The following ASIC2 variants were observed in gnomAD, a reference collection of about 807,000 sequenced individuals.
ASIC2 encodes acid-sensing ion channel 2.
In ASIC2, 25 loss-of-function variants were observed where a neutral mutation model predicts 57.3. The observed-to-expected ratio is 0.44, with a 90% CI of 0.32 to 0.61. ASIC2 has a LOEUF of 0.61. Among genes scored for constraint, ASIC2 ranks in the 20% least tolerant of loss-of-function variants. ASIC2 has a pLI of 0.06. For synonymous variants in ASIC2, 319 were observed against 307.5 expected, an observed-to-expected ratio of 1.04 and a Z score of -0.39; for missense variants, 641 against 738.1, an observed-to-expected ratio of 0.87 and a Z score of 1.52.
In ASIC2 at chr17:34,156,003, T is replaced by C. The variant is rs1490340037; in HGVS notation, c.530A>G (p.Glu177Gly). The change falls in exon 1 of 10, where the codon GAG becomes GGG. Residue 177 changes from glutamate to glycine, a missense_variant. Physicochemically the swap from Glu to Gly is moderately conservative, Grantham distance 98. Coordinates refer to the ASIC2 transcript ENST00000359872. The surrounding 1 kb of genome is among the most constrained non-coding windows in gnomAD (Gnocchi z 4.4). ...TGTGGTGAAGTCTTGGTGGCCGCAC[T>C]CCTGCCCTTTGAACTTGCAGTAGAG... 5 of 1,612,174 alleles carry C rather than the reference T, an allele frequency of 3.1e-6. No homozygotes were observed. The African/African-American group carries it at 4.0e-5, about 13-fold the overall frequency.
rs981758075 is a variant in ASIC2, at chr17:33,228,604, G to A, written c.708+62804C>T. Among the ~76,000 whole-genome samples the A allele has an allele frequency of 3.3e-5, 5 of 152,384 alleles. No individual in the cohort carries two copies. In the South Asian group the frequency reaches 8.3e-4, roughly 25 times the overall value. On this transcript the variant is annotated intron_variant, in intron 1 of 9. Coordinates refer to ENST00000225823, the MANE Select transcript of ASIC2 (RefSeq NM_183377.2). ...ACCATCCCAACAAGAAGTCAAGTCAGTCTGAAAACTTCTAGCATGTGAGAG... is the reference window on the plus strand; with the variant it reads ...ACCATCCCAACAAGAAGTCAAGTCAATCTGAAAACTTCTAGCATGTGAGAG...
At chr17:33,821,366 C>T (rs1416808800) in intron 1 of ASIC2, among the ~76,000 whole-genome samples, 2 of 152,176 alleles carry the variant, frequency 1.3e-5, no homozygotes, top group Non-Finnish European at 2.9e-5. Context: ...CTCGTCCAAA[C>T]ACTTCCAGAT....
intron 1 of ASIC2, among the ~76,000 whole-genome samples, chr17:33,209,616 G>A (rs962067137): frequency 8.5e-5 from 13 of 152,344 alleles, no homozygotes; most frequent in African/African-American, 2.9e-4. Context: ...AACTGCCACC[G>A]CTTAAGAACC....
intron 1 of ASIC2, among the ~76,000 whole-genome samples, chr17:33,289,649 C>T (rs891914717): frequency 3.3e-5 from 5 of 152,202 alleles, no homozygotes; most frequent in Non-Finnish European, 5.9e-5. Flanking sequence ...GAGCATTGGA[C>T]AGCTTTTTAG....
chr17:33,588,447 A>G (rs767013001), intron 1 of ASIC2, among the ~76,000 whole-genome samples: 1 of 152,048 alleles, frequency 6.6e-6, no homozygotes, highest in Non-Finnish European at 1.5e-5. Context: ...TTGGCCACAC[A>G]CTTTGTACAG....
chr17:33,788,254 C>G (rs1361289404), intron 1 of ASIC2, among the ~76,000 whole-genome samples: 1 of 151,890 alleles, frequency 6.6e-6, no homozygotes, highest in Non-Finnish European at 1.5e-5. Context: ...AGAATATGAA[C>G]AGACACTTCT....
chr17:33,161,981 C>A (rs1338765851), intron 1 of ASIC2, among the ~76,000 whole-genome samples: 1 of 147,078 alleles, frequency 6.8e-6, no homozygotes, highest in Admixed American at 7.0e-5. Context: ...TAGCCGTTCT[C>A]ATAACCAAGA....
intron 1 of ASIC2, among the ~76,000 whole-genome samples, chr17:33,629,848 A>C (rs541732465): frequency 7.9e-5 from 12 of 152,302 alleles, no homozygotes; most frequent in African/African-American, 2.9e-4. Flanking sequence ...GTAAGGCTGA[A>C]GAGCTAAGGA....
intron 1 of ASIC2, among the ~76,000 whole-genome samples, chr17:33,150,723 G>C (rs187540407): frequency 9.6e-6 from 1 of 104,462 alleles, no homozygotes; most frequent in African/African-American, 4.2e-5. Flanking sequence ...AGTGGCGGGC[G>C]CCTGTAGTCC....
intron 1 of ASIC2, chr17:34,069,576 C>A (rs1206813808): frequency 6.6e-6 from 1 of 152,150 alleles, no homozygotes; most frequent in Non-Finnish European, 1.5e-5. Flanking sequence ...TGAGCTTGCC[C>A]TTTCTTGAGT....
At chr17:33,410,373 GAGA>G (rs1186495108) in intron 1 of ASIC2, among the ~76,000 whole-genome samples, 3 of 152,208 alleles carry the variant, frequency 2.0e-5, no homozygotes, top group Admixed American at 6.5e-5. Context: ...ACGTACATGA[GAGA>G]AGAACATATC....
intron 1 of ASIC2, among the ~76,000 whole-genome samples, chr17:33,270,473 T>G (rs958744002): frequency 1.3e-5 from 2 of 152,200 alleles, no homozygotes; most frequent in African/African-American, 2.4e-5. Context: ...ATACACCCTG[T>G]TTAAAATTCT....
intron 1 of ASIC2, among the ~76,000 whole-genome samples, chr17:33,202,220 G>A (rs17248665): frequency 0.064 from 9,698 of 152,130 alleles, 435 homozygotes; most frequent in South Asian, 0.17. Context: ...ATGCGGATGG[G>A]CTCCACAGCG....
intron 1 of ASIC2, among the ~76,000 whole-genome samples, chr17:33,135,655 T>A (rs1161886738): frequency 6.6e-6 from 1 of 152,100 alleles, no homozygotes; most frequent in Non-Finnish European, 1.5e-5. Flanking sequence ...CTTCCTCATG[T>A]CACCATGTTG....
chr17:33,177,090 A>G (rs1003855887), intron 1 of ASIC2, among the ~76,000 whole-genome samples: 4 of 152,170 alleles, frequency 2.6e-5, no homozygotes, highest in African/African-American at 9.7e-5. Context: ...TTTCCCTGCA[A>G]TTCCTCTAGA....
At chr17:33,252,728 G>GCCACTCA (rs1908928168) in intron 1 of ASIC2, among the ~76,000 whole-genome samples, 1 of 151,964 alleles carries the variant, frequency 6.6e-6, no homozygotes, top group Admixed American at 6.6e-5. Flanking sequence ...CTGGAGTTCT[G>GCCACTCA]CCACTCACCC....
At chr17:33,161,586 C>T (rs2142039578) in intron 1 of ASIC2, among the ~76,000 whole-genome samples, 1 of 152,316 alleles carries the variant, frequency 6.6e-6, no homozygotes, top group East Asian at 1.9e-4. Context: ...TTATTTTCTG[C>T]TTCCCACCAA....
intron 1 of ASIC2, among the ~76,000 whole-genome samples, chr17:33,160,472 C>T (rs925662467): frequency 6.6e-6 from 1 of 152,132 alleles, no homozygotes; most frequent in Non-Finnish European, 1.5e-5. Context: ...TACGTTCTGC[C>T]TTGACAGTCT....
chr17:33,312,577 G>T (rs770390841), intron 1 of ASIC2, among the ~76,000 whole-genome samples: 4 of 152,190 alleles, frequency 2.6e-5, no homozygotes, highest in Non-Finnish European at 5.9e-5. Context: ...GGGATGAGCG[G>T]CAAGGGCTGC....
Sources: allele counts gnomAD v4.1 joint callset (sites outside exome capture counted in the v4.1 genomes callset), GRCh38; gene constraint gnomAD v4.1.1; non-coding constraint Gnocchi (gnomAD v3.1); transcripts MANE v1.5; gene names NCBI Gene and HGNC (gene_info 2026-07-23, HGNC 2026-07-21).